CSRNP2: variants seen among roughly 807,000 people sequenced by gnomAD.
CSRNP2 encodes the protein cysteine and serine rich nuclear protein 2, also known as cysteine/serine-rich nuclear protein 2.
Under a neutral mutation model 36.6 loss-of-function variants are expected in CSRNP2, and 11 were observed. The observed-to-expected ratio is 0.30, with a 90% CI of 0.19 to 0.50. CSRNP2 has a LOEUF of 0.50. CSRNP2 is among the 20% of genes least tolerant of loss of function. The pLI is 0.98. For missense variants in CSRNP2, 483 were observed against 691.4 expected (o/e 0.70, Z 3.38); for synonymous variants, 248 against 275.3 (o/e 0.90, Z 0.98).
intron 3 of CSRNP2, among the ~76,000 whole-genome samples, chr12:51,072,890 C>T (rs190514524): frequency 2.4e-4 from 37 of 152,178 alleles, no homozygotes; most frequent in East Asian, 9.7e-4. Context: ...CAGACCTGAA[C>T]GCCTTCACGT....
intron 4 of CSRNP2, among the ~76,000 whole-genome samples, chr12:51,064,932 C>T (rs1291942894): frequency 6.6e-6 from 1 of 152,144 alleles, no homozygotes; most frequent in Non-Finnish European, 1.5e-5. Context: ...GGCTTTGTTT[C>T]CTCTTCTAAA....
chr12:51,070,317 G>C (rs1939011124), intron 3 of CSRNP2, among the ~76,000 whole-genome samples: 1 of 152,200 alleles, frequency 6.6e-6, no homozygotes, highest in African/African-American at 2.4e-5. Flanking sequence ...GAGAAATGAA[G>C]AGAAGTAAAG....
intron 3 of CSRNP2, among the ~76,000 whole-genome samples, chr12:51,069,274 T>TTCC (rs1359040092): frequency 2.7e-5 from 4 of 149,700 alleles, no homozygotes; most frequent in South Asian, 2.1e-4. Context: ...CGTGCCCGGC[T>TTCC]TCCTTCTCCT....
rs760839840 is a variant in CSRNP2 at position 51,074,072 on chromosome 12, G to A, written c.162C>T (p.Ile54=). ...PTTASFTPTS[I]LKRQKQLRRK... ...TCCGCAGCTGCTTCTGCCGCTTCAG[G>A]ATGGATGTGGCTGAGAAGGGAGCAC... The change falls in exon 3 of 5, where the codon ATC becomes ATT. Residue 54 remains isoleucine, a synonymous_variant. Coordinates refer to ENST00000228515, the MANE Select transcript of CSRNP2 (RefSeq NM_030809.3). 3 of 1,613,978 alleles carry A rather than the reference G, an allele frequency of 1.9e-6. No individual in the cohort carries two copies. Among genetic ancestry groups the A allele is most frequent in the Non-Finnish European group, 2.5e-6 (3 of 1,179,974 alleles).
At position 51,064,335 on chromosome 12, in the gene CSRNP2, C is replaced by G; in HGVS notation, c.1043G>C (p.Ser348Thr). The G allele has an allele frequency of 6.2e-7, 1 of 1,614,198 alleles. No homozygotes were observed. The highest frequency in any genetic ancestry group is 2.2e-5 in the East Asian group (1 of 44,870). The change falls in exon 5 of 5, where the codon AGC becomes ACC. Residue 348 changes from serine to threonine, a missense_variant. Ser to Thr is a moderately conservative substitution (Grantham distance 58, BLOSUM62 1). Coordinates refer to ENST00000228515, the MANE Select transcript of CSRNP2 (RefSeq NM_030809.3). ...CAGGCTCTCGATGCTCGAGTCCAGG[C>G]TGGCACTAGAGCCGCTGGAATCTTC... Reference protein sequence around the residue: ...AEEDSSGSSASLDSSIESLGV... With the variant: ...AEEDSSGSSATLDSSIESLGV...
chr12:51,072,863 C>A (rs1223451628), intron 3 of CSRNP2, among the ~76,000 whole-genome samples: 12 of 152,080 alleles, frequency 7.9e-5, no homozygotes, highest in Non-Finnish European at 1.5e-4. Flanking sequence ...ATTGTGCTTC[C>A]TTGAGTTCCA....
intron 4 of CSRNP2, among the ~76,000 whole-genome samples, chr12:51,066,579 AG>A (rs1220940501): frequency 1.3e-5 from 2 of 151,316 alleles, no homozygotes; most frequent in Non-Finnish European, 2.9e-5. Context: ...AGGTGGAGGT[AG>A]CAGTGAGCCA....
chr12:51,075,267 A>T (rs999113844), intron 2 of CSRNP2, among the ~76,000 whole-genome samples: 1 of 151,742 alleles, frequency 6.6e-6, no homozygotes, highest in African/African-American at 2.4e-5. Context: ...GCACACCACC[A>T]CACCCAGCTA....
chr12:51,067,619 C>G lies in CSRNP2; in HGVS notation c.708+54G>C. ...CTCCCATGTTCAGTGGCACCCACAC[C>G]TCACCCCGCTGACCCTGGTGTAGAT... On this transcript the variant is annotated intron_variant, in intron 4 of 4. Coordinates refer to ENST00000228515, the MANE Select transcript of CSRNP2 (RefSeq NM_030809.3). The surrounding 1 kb of genome is among the most constrained non-coding windows in gnomAD (Gnocchi z 4.1). 6.4e-7 allele frequency: 1 copy of G among 1,558,916 alleles called. No individual in the cohort carries two copies. Among genetic ancestry groups the G allele is most frequent in the Non-Finnish European group, 8.7e-7 (1 of 1,143,930 alleles).
intron 1 of CSRNP2, among the ~76,000 whole-genome samples, chr12:51,078,541 T>C (rs987073122): frequency 6.6e-5 from 10 of 152,192 alleles, no homozygotes; most frequent in African/African-American, 2.4e-4. Context: ...CAAGGGCTTT[T>C]TATGGGTTAA....
chr12:51,077,885 A>C (rs1444663140), intron 1 of CSRNP2, among the ~76,000 whole-genome samples: 4 of 152,248 alleles, frequency 2.6e-5, no homozygotes, highest in Non-Finnish European at 4.4e-5. Context: ...CTTTCATACA[A>C]CCAAGGAGTC....
At position 51,064,002 on chromosome 12, in the gene CSRNP2, A is replaced by G. The variant is rs1937840066; in HGVS notation, c.1376T>C (p.Leu459Pro). 1 of 1,614,014 alleles carries G rather than the reference A, an allele frequency of 6.2e-7. No homozygotes were observed. The highest frequency in any genetic ancestry group is 8.5e-7 in the Non-Finnish European group (1 of 1,179,980). Residue 459 changes from leucine (L) to proline (P), a missense_variant, in exon 5 of 5, where the codon CTC becomes CCC. Coordinates refer to ENST00000228515, the MANE Select transcript of CSRNP2 (RefSeq NM_030809.3). The stretch of plus-strand genomic sequence containing the variant: ...TGGGTCTGTGGAGCTACAAGCCACG[A>G]GTGAGGTAACAGGGAGAGAGAAGAC... ...LNVFSLPVTS[L>P]VACSSTDPAA...
chr12:51,081,818 AAACAAACAAACAAACAAACAAC>A (rs1466797498), intron 1 of CSRNP2, among the ~76,000 whole-genome samples: 1 of 8,824 alleles, frequency 1.1e-4, no homozygotes, highest in East Asian at 4.7e-3. Flanking sequence ...ATAACCACCA[AAACAAACAAACAAACAAACAAC>A]AACAACAACA....
rs1948836365 is a variant in CSRNP2 at position 51,061,699 on chromosome 12, A to ATAAT, written c.*2043_*2046dup. 1.3e-5 allele frequency: 2 copies of ATAAT among 152,384 alleles called. No homozygotes were observed. Among genetic ancestry groups the ATAAT allele is most frequent in the Admixed American group, 1.3e-4 (2 of 15,296 alleles). 9.4% of individuals were successfully genotyped at this position (152,384 alleles called of 1,614,324 possible). On this transcript the variant is annotated 3_prime_UTR_variant, in exon 5 of 5. Coordinates refer to ENST00000228515, the MANE Select transcript of CSRNP2 (RefSeq NM_030809.3). ...ATCTTGTGGGTTGGCAATGAGCTTA[A>ATAAT]TAATTACAGATTCATATTCCTGGTT...
chr12:51,066,593 A>T (rs1938359541), intron 4 of CSRNP2, among the ~76,000 whole-genome samples: 1 of 151,098 alleles, frequency 6.6e-6, no homozygotes, highest in Non-Finnish European at 1.5e-5. Flanking sequence ...GTGAGCCAAG[A>T]TCGCGCCACT....
Position 51,067,083 on chromosome 12 carries a change from G to A in CSRNP2, c.708+590C>T, listed in dbSNP as rs573523642. Among the ~76,000 whole-genome samples, 5 of 152,088 alleles carry A rather than the reference G, an allele frequency of 3.3e-5. No individual in the cohort carries two copies. Among genetic ancestry groups the A allele is most frequent in the African/African-American group, 9.6e-5 (4 of 41,486 alleles). On this transcript the variant is annotated intron_variant, in intron 4 of 4. Transcript: ENST00000228515. The surrounding 1 kb of genome is among the most constrained non-coding windows in gnomAD (Gnocchi z 4.1). ...GGGAAGCAATCTGCCTGCCTGCCTC[G>A]GCCTCCCAAAGTGCTGGGATTACAG...
intron 1 of CSRNP2, among the ~76,000 whole-genome samples, chr12:51,079,269 G>A (rs2136928751): frequency 6.6e-6 from 1 of 151,580 alleles, no homozygotes; most frequent in East Asian, 1.9e-4. Context: ...TAAATGACAA[G>A]TTAACGGGTG....
chr12:51,061,454 C>T lies in CSRNP2; in HGVS notation c.*2292G>A, dbSNP rs1948827410. 6.6e-6 allele frequency: 1 copy of T among 152,580 alleles called. No homozygotes were observed. The highest frequency in any genetic ancestry group is 2.4e-5 in the African/African-American group (1 of 41,426). 9.5% of individuals were successfully genotyped at this position (152,580 alleles called of 1,614,324 possible). ...AGCTATCTGCTTCTATGATCAGAGG[C>T]CTAGCTTTCCTAGCAACCATGAGCT... On this transcript the variant is annotated 3_prime_UTR_variant, in exon 5 of 5. Coordinates refer to ENST00000228515, the MANE Select transcript of CSRNP2 (RefSeq NM_030809.3).
intron 3 of CSRNP2, among the ~76,000 whole-genome samples, chr12:51,070,432 G>T (rs973789564): frequency 2.6e-5 from 4 of 152,082 alleles, no homozygotes; most frequent in African/African-American, 9.7e-5. Context: ...CATCTCCAGG[G>T]TTGACCTCCC....
Sources: gnomAD v4.1 joint callset for allele counts (sites outside exome capture counted in the v4.1 genomes callset) on GRCh38, gnomAD v4.1.1 for gene constraint, Gnocchi (gnomAD v3.1) non-coding constraint, MANE v1.5 for transcripts, NCBI Gene and HGNC (gene_info 2026-07-23, HGNC 2026-07-21) for gene names.